The following PHF2 variants were observed in gnomAD, a reference collection of about 807,000 sequenced individuals.
The protein encoded by PHF2 is lysine-specific demethylase PHF2.
In PHF2, 27 loss-of-function variants were observed where a neutral mutation model predicts 120.5. The observed-to-expected ratio is 0.22, with a 90% confidence interval of 0.17 to 0.31. The LOEUF (loss-of-function observed/expected upper bound fraction) is 0.31, where lower values mean the gene tolerates loss of function less well. PHF2 is among the 10% of genes least tolerant of loss of function. PHF2 has a pLI of 1.00. For missense variants in PHF2, 1,024 were observed against 1,434.8 expected (o/e 0.71, Z 4.63); for synonymous variants, 568 against 592.5 (o/e 0.96, Z 0.60).
Position 93,679,099 on chromosome 9 carries a change from G to A in PHF2, c.*1423G>A, listed in dbSNP as rs1228162006. The A allele has an allele frequency of 5.2e-6, 2 of 383,318 alleles. No individual in the cohort carries two copies. The highest frequency in any genetic ancestry group is 4.3e-5 in the African/African-American group (2 of 46,734). 23.7% of individuals were successfully genotyped at this position (383,318 alleles called of 1,614,324 possible). On this transcript the variant is annotated 3_prime_UTR_variant, in exon 22 of 22. Coordinates refer to ENST00000359246, the MANE Select transcript of PHF2 (RefSeq NM_005392.4). The stretch of plus-strand genomic sequence containing the variant: ...CTAGCACCTTGTGAAGTGTTTCCGT[G>A]TTTTGTGATGCTGTAATTTATTAAT...
chr9:93,669,106 C>T lies in PHF2; in HGVS notation c.2348+1866C>T, dbSNP rs758868604. Among the ~76,000 whole-genome samples, 3 of 152,366 alleles carry T rather than the reference C, an allele frequency of 2.0e-5. No homozygotes were observed. The East Asian group carries it at 5.8e-4, about 29-fold the overall frequency. The stretch of plus-strand genomic sequence containing the variant: ...ACGTTGCTCATTGATTCACCAGCAA[C>T]CCTGCGGGACCTGGGCATGCAGTCC... On this transcript the variant is annotated intron_variant, in intron 17 of 21. Coordinates refer to ENST00000359246, the MANE Select transcript of PHF2 (RefSeq NM_005392.4).
intron 1 of PHF2, among the ~76,000 whole-genome samples, chr9:93,613,525 C>A (rs1825671829): frequency 6.7e-6 from 1 of 150,210 alleles, no homozygotes; most frequent in African/African-American, 2.4e-5. Flanking sequence ...TCAGTAGGTC[C>A]CGGTGGAGAT....
chr9:93,632,467 A>G (rs754537872), intron 2 of PHF2, among the ~76,000 whole-genome samples: 2 of 152,182 alleles, frequency 1.3e-5, no homozygotes, highest in African/African-American at 2.4e-5. Context: ...TAGAAAATTT[A>G]TTTCTTACAG....
intron 2 of PHF2, among the ~76,000 whole-genome samples, chr9:93,632,782 A>C (rs914596742): frequency 6.6e-6 from 1 of 152,234 alleles, no homozygotes; most frequent in Non-Finnish European, 1.5e-5. Context: ...GTGCATGCAC[A>C]CATCTGTGTG....
intron 17 of PHF2, among the ~76,000 whole-genome samples, chr9:93,671,687 G>A (rs1826796516): frequency 7.1e-6 from 1 of 139,882 alleles, no homozygotes; most frequent in African/African-American, 2.6e-5. Flanking sequence ...TGTAGATGCA[G>A]GTGTGGGTGT....
At chr9:93,633,858 C>T (rs117944333) in intron 2 of PHF2, among the ~76,000 whole-genome samples, 16 of 152,266 alleles carry the variant, frequency 1.1e-4, no homozygotes, top group African/African-American at 3.6e-4. Context: ...GGCTCCCCTC[C>T]GTGGCACCCT....
intron 1 of PHF2, among the ~76,000 whole-genome samples, 200 bp from the exon 2 acceptor site, chr9:93,629,770 G>A (rs902248936): frequency 1.3e-5 from 2 of 152,120 alleles, no homozygotes; most frequent in African/African-American, 4.8e-5. Context: ...CCAGGCTGCA[G>A]AGGCCTTTCC....
intron 1 of PHF2, among the ~76,000 whole-genome samples, chr9:93,602,052 T>C (rs1462939327): frequency 6.6e-6 from 1 of 152,056 alleles, no homozygotes. Context: ...TCCCAGTGGC[T>C]CCTAACTGGG....
intron 1 of PHF2, among the ~76,000 whole-genome samples, chr9:93,577,821 A>C (rs77606993): frequency 0.024 from 3,623 of 152,164 alleles, 154 homozygotes; most frequent in African/African-American, 0.082. Flanking sequence ...CCAAGAAGTA[A>C]ATGGAGGAGG....
At chr9:93,615,244 T>A (rs10992803) in intron 1 of PHF2, among the ~76,000 whole-genome samples, 55,665 of 147,232 alleles carry the variant, frequency 0.38, 10,747 homozygotes, top group Non-Finnish European at 0.4. Context: ...GGTGATGGTG[T>A]TGATGGTGAT....
chr9:93,630,652 T>C (rs1825986255), intron 2 of PHF2, among the ~76,000 whole-genome samples: 1 of 152,194 alleles, frequency 6.6e-6, no homozygotes, highest in South Asian at 2.1e-4. Context: ...GGTCCTGGGA[T>C]ACAGGCTTGG....
chr9:93,586,900 G>A (rs1863056104), intron 1 of PHF2, among the ~76,000 whole-genome samples: 2 of 152,226 alleles, frequency 1.3e-5, no homozygotes, highest in Admixed American at 1.3e-4. Flanking sequence ...CTGTGCCAGA[G>A]CAGATTGGGG....
At chr9:93,621,519 C>T (rs141383701) in intron 1 of PHF2, among the ~76,000 whole-genome samples, 6 of 152,320 alleles carry the variant, frequency 3.9e-5, no homozygotes, top group Non-Finnish European at 8.8e-5. Flanking sequence ...ACAAGGGGCC[C>T]CTCCTTGTGC....
At chr9:93,611,481 T>A (rs1164841447) in intron 1 of PHF2, among the ~76,000 whole-genome samples, 3 of 152,180 alleles carry the variant, frequency 2.0e-5, no homozygotes, top group Non-Finnish European at 4.4e-5. Context: ...TAGCTCTGAT[T>A]TGAATCAAAG....
chr9:93,641,098 T>C (rs1255548177), intron 3 of PHF2, among the ~76,000 whole-genome samples: 3 of 152,190 alleles, frequency 2.0e-5, no homozygotes, highest in Non-Finnish European at 2.9e-5. Context: ...TTGTAGAGTC[T>C]CTGGGCTGTG....
chr9:93,584,139 T>A (rs1441020433), intron 1 of PHF2, among the ~76,000 whole-genome samples: 1 of 152,244 alleles, frequency 6.6e-6, no homozygotes, highest in African/African-American at 2.4e-5. Flanking sequence ...AAGTGCTGTA[T>A]CCTTATCAGA....
Position 93,656,471 on chromosome 9 carries a change from C to T in PHF2, c.1041-18C>T. On this transcript the variant is annotated intron_variant, in intron 8 of 21. Coordinates refer to ENST00000359246, the MANE Select transcript of PHF2 (RefSeq NM_005392.4). The surrounding 1 kb of genome is among the most constrained non-coding windows in gnomAD (Gnocchi z 4.1). ...TTGATGGTCAGTGCACTGAGAACTGCTCTTTGGTGGCTTCTAGAGCATATG... is the reference window on the plus strand; with the variant it reads ...TTGATGGTCAGTGCACTGAGAACTGTTCTTTGGTGGCTTCTAGAGCATATG... 1 of 1,577,564 alleles carries T rather than the reference C, an allele frequency of 6.3e-7. No homozygotes were observed. Among genetic ancestry groups the T allele is most frequent in the Non-Finnish European group, 8.7e-7 (1 of 1,147,084 alleles).
intron 7 of PHF2, among the ~76,000 whole-genome samples, chr9:93,654,910 C>G (rs984739994): frequency 6.6e-6 from 1 of 152,152 alleles, no homozygotes; most frequent in African/African-American, 2.4e-5. Context: ...TCACTATGAC[C>G]GAGCCCATGG....
chr9:93,586,131 G>A (rs1863040065), intron 1 of PHF2, among the ~76,000 whole-genome samples: 1 of 152,244 alleles, frequency 6.6e-6, no homozygotes, highest in Admixed American at 6.5e-5. Context: ...GGGTGAAGTG[G>A]GGCTTTGGGA....
Sources: allele counts gnomAD v4.1 joint callset (sites outside exome capture counted in the v4.1 genomes callset), GRCh38; gene constraint gnomAD v4.1.1; non-coding constraint Gnocchi (gnomAD v3.1); transcripts MANE v1.5; gene names NCBI Gene and HGNC (gene_info 2026-07-23, HGNC 2026-07-21).